The following NFIA variants were observed in gnomAD, a reference collection of about 807,000 sequenced individuals.
NFIA encodes nuclear factor 1 A-type.
Under a neutral mutation model 62.8 loss-of-function variants are expected in NFIA, and 8 were observed. The observed-to-expected ratio is 0.13, with a 90% CI of 0.07 to 0.23. The LOEUF (loss-of-function observed/expected upper bound fraction) is 0.23. NFIA is among the 10% of genes least tolerant of loss of function. NFIA has a pLI of 1.00. For missense variants in NFIA, 410 were observed against 642.1 expected, an observed-to-expected ratio of 0.64 and a Z score of 3.91; for synonymous variants, 235 against 238.1, an observed-to-expected ratio of 0.99 and a Z score of 0.12.
intron 2 of NFIA, among the ~76,000 whole-genome samples, chr1:61,222,835 A>G (rs1312137544): frequency 2.0e-5 from 3 of 152,070 alleles, no homozygotes; most frequent in African/African-American, 4.8e-5. Flanking sequence ...AATAATTCCA[A>G]GTCTGGTATT....
intron 2 of NFIA, among the ~76,000 whole-genome samples, chr1:61,273,398 A>C (rs978026950): frequency 6.6e-6 from 1 of 152,096 alleles, no homozygotes; most frequent in Non-Finnish European, 1.5e-5. Flanking sequence ...AAGATTTCCA[A>C]ACCACTCACA....
intron 2 of NFIA, among the ~76,000 whole-genome samples, chr1:61,254,904 G>A (rs1357706109): frequency 6.6e-6 from 1 of 152,218 alleles, no homozygotes; most frequent in Non-Finnish European, 1.5e-5. Flanking sequence ...TGTAATTAAA[G>A]TGTAAGGGGG....
At chr1:61,358,330 G>GA (rs35068455) in intron 5 of NFIA, among the ~76,000 whole-genome samples, 1 of 141,850 alleles carries the variant, frequency 7.0e-6, no homozygotes, top group Admixed American at 7.2e-5. Flanking sequence ...TGTGGCAAAA[G>GA]AAAAAAAAAG....
At chr1:61,333,832 G>A (rs905227101) in intron 4 of NFIA, among the ~76,000 whole-genome samples, 8 of 151,774 alleles carry the variant, frequency 5.3e-5, no homozygotes, top group Non-Finnish European at 1.0e-4. Context: ...ACCCCGTCTC[G>A]ACTAAAAATA....
intron 2 of NFIA, among the ~76,000 whole-genome samples, chr1:61,200,059 T>TATAC (rs1652359584): frequency 2.5e-4 from 14 of 55,240 alleles, no homozygotes; most frequent in South Asian, 2.2e-3. Context: ...TATATATATA[T>TATAC]ATATATATGT....
intron 2 of NFIA, among the ~76,000 whole-genome samples, chr1:61,147,353 G>A (rs1468900588): frequency 6.6e-6 from 1 of 152,136 alleles, no homozygotes. Context: ...GTTTCACCAC[G>A]TTGGCCAGGT....
chr1:61,113,084 A>G (rs1357396892), intron 2 of NFIA, among the ~76,000 whole-genome samples: 1 of 152,152 alleles, frequency 6.6e-6, no homozygotes, highest in Non-Finnish European at 1.5e-5. Flanking sequence ...TGTTTATAAT[A>G]TATAGCTAAT....
intron 2 of NFIA, among the ~76,000 whole-genome samples, chr1:61,163,401 T>C (rs983323759): frequency 1.1e-4 from 16 of 152,240 alleles, no homozygotes; most frequent in African/African-American, 3.6e-4. Context: ...AGACTCACTT[T>C]ATTTTAAAGC....
At chr1:61,224,302 C>A (rs1203732892) in intron 2 of NFIA, among the ~76,000 whole-genome samples, 2 of 151,992 alleles carry the variant, frequency 1.3e-5, no homozygotes, top group African/African-American at 2.4e-5. Flanking sequence ...ATCTCTTATG[C>A]TCCATAGAAA....
intron 2 of NFIA, among the ~76,000 whole-genome samples, chr1:61,233,982 C>T (rs565025143): frequency 6.6e-6 from 1 of 152,214 alleles, no homozygotes; most frequent in African/African-American, 2.4e-5. Context: ...TGAAGAGATC[C>T]TTGACCTCTT....
At chr1:61,307,030 G>A (rs546898554) in intron 3 of NFIA, among the ~76,000 whole-genome samples, 1 of 152,300 alleles carries the variant, frequency 6.6e-6, no homozygotes, top group South Asian at 2.1e-4. Flanking sequence ...GTTGGTGAAT[G>A]CAGCACAGAT....
chr1:61,433,960 A>C (rs1667218319), intron 10 of NFIA, among the ~76,000 whole-genome samples: 1 of 152,212 alleles, frequency 6.6e-6, no homozygotes, highest in Non-Finnish European at 1.5e-5. Context: ...ACCGTCTAGC[A>C]AATTAGGAAG....
At chr1:61,249,703 G>A (rs1268403809) in intron 2 of NFIA, among the ~76,000 whole-genome samples, 1 of 152,174 alleles carries the variant, frequency 6.6e-6, no homozygotes, top group African/African-American at 2.4e-5. Context: ...TGCTCAGGAG[G>A]CTGAGGCACA....
At chr1:61,259,535 C>G (rs959189846) in intron 2 of NFIA, among the ~76,000 whole-genome samples, 1 of 152,090 alleles carries the variant, frequency 6.6e-6, no homozygotes, top group Admixed American at 6.6e-5. Flanking sequence ...TTCTCAGTAA[C>G]CAGGGTGTAG....
At chr1:61,439,992 C>G (rs1380112942) in intron 10 of NFIA, among the ~76,000 whole-genome samples, 5 of 152,132 alleles carry the variant, frequency 3.3e-5, no homozygotes, top group Non-Finnish European at 1.5e-5. Context: ...ACGGACAAAA[C>G]TGAGTGGGTG....
chr1:61,163,922 C>T (rs1468127784), intron 2 of NFIA, among the ~76,000 whole-genome samples: 1 of 152,150 alleles, frequency 6.6e-6, no homozygotes, highest in East Asian at 1.9e-4. Context: ...CCAATTGGTG[C>T]TGTGTGAAAA....
chr1:61,386,881 T>C (rs1455479611), intron 7 of NFIA, among the ~76,000 whole-genome samples: 1 of 152,174 alleles, frequency 6.6e-6, no homozygotes, highest in Non-Finnish European at 1.5e-5. Flanking sequence ...AGTCCAAGAT[T>C]AAGGCTCTGG....
intron 2 of NFIA, among the ~76,000 whole-genome samples, chr1:61,237,867 C>G (rs780614233): frequency 6.6e-6 from 1 of 152,102 alleles, no homozygotes; most frequent in Non-Finnish European, 1.5e-5. Context: ...GCTGTAAAAC[C>G]TCTTGAGATA....
intron 6 of NFIA, among the ~76,000 whole-genome samples, chr1:61,381,561 C>T (rs1309630878): frequency 1.3e-5 from 2 of 152,144 alleles, no homozygotes; most frequent in East Asian, 3.8e-4. Flanking sequence ...AAATCACATA[C>T]CACTCTATGT....
Sources: allele counts gnomAD v4.1 joint callset (sites outside exome capture counted in the v4.1 genomes callset), GRCh38; gene constraint gnomAD v4.1.1; transcripts MANE v1.5; gene names NCBI Gene and HGNC (gene_info 2026-07-23, HGNC 2026-07-21).